The following SMIM13 variants were observed in gnomAD, a reference collection of about 807,000 sequenced individuals.
SMIM13 encodes small integral membrane protein 13, also known as UPF0766 protein C6orf228.
A neutral mutation model predicts 5.9 loss-of-function variants in SMIM13; 3 were observed. The ratio of observed to expected loss-of-function variants is 0.51; its 90% confidence interval spans 0.23 to 1.31. SMIM13 has a LOEUF of 1.31. Ranked by LOEUF, SMIM13 falls within the 40% of genes most tolerant of loss-of-function variation. SMIM13 has a pLI of 0.18. For missense variants in SMIM13, 85 were observed against 109.9 expected (o/e 0.77, Z 1.01); for synonymous variants, 55 against 46.0 (o/e 1.19, Z -0.79).
chr6:11,110,677 C>T (rs142706463), intron 1 of SMIM13, among the ~76,000 whole-genome samples: 8 of 152,204 alleles, frequency 5.3e-5, no homozygotes, highest in East Asian at 3.9e-4. Context: ...CAGGAGAAAG[C>T]GGGAGGAAGC....
chr6:11,108,335 T>G (rs929313233), intron 1 of SMIM13, among the ~76,000 whole-genome samples: 4 of 152,236 alleles, frequency 2.6e-5, no homozygotes, highest in African/African-American at 9.6e-5. Context: ...CCCTTGGCTC[T>G]GTCCCTTCAA....
chr6:11,112,862 C>T (rs1758188571), intron 1 of SMIM13, among the ~76,000 whole-genome samples: 1 of 152,078 alleles, frequency 6.6e-6, no homozygotes, highest in South Asian at 2.1e-4. Context: ...AGCTGGAGTG[C>T]AGTGGTATGA....
intron 1 of SMIM13, among the ~76,000 whole-genome samples, chr6:11,124,828 T>C (rs1758355838): frequency 6.6e-6 from 1 of 152,236 alleles, no homozygotes; most frequent in African/African-American, 2.4e-5. Flanking sequence ...TGTCCTTTTC[T>C]TTCAGGTTGA....
Position 11,134,646 on chromosome 6 carries a change from CT to C in SMIM13, c.*48del. 1 of 1,333,538 alleles carries C rather than the reference CT, an allele frequency of 7.5e-7. No homozygotes were observed. Among genetic ancestry groups the C allele is most frequent in the Non-Finnish European group, 9.8e-7 (1 of 1,015,902 alleles). 82.6% of individuals were successfully genotyped at this position (1,333,538 alleles called of 1,614,324 possible). On this transcript the variant is annotated 3_prime_UTR_variant, in exon 2 of 2. Transcript: ENST00000416247. ...TGAAAAGGCAGTTGCCAGCTTCTGT[CT>C]TTTACTGACTTCGCTTTGAAATTTA...
At chr6:11,114,225 C>T (rs1325458170) in intron 1 of SMIM13, among the ~76,000 whole-genome samples, 1 of 152,112 alleles carries the variant, frequency 6.6e-6, no homozygotes, top group Non-Finnish European at 1.5e-5. Flanking sequence ...AGTGATCTAC[C>T]TGCCTCGCCC....
In SMIM13 at chr6:11,137,297, C is replaced by G. The variant is rs1041336436; in HGVS notation, c.*2695C>G. 1 of 152,070 alleles carries G rather than the reference C, an allele frequency of 6.6e-6. No individual in the cohort carries two copies. Among genetic ancestry groups the G allele is most frequent in the African/African-American group, 2.4e-5 (1 of 41,430 alleles). 9.4% of individuals were successfully genotyped at this position (152,070 alleles called of 1,614,324 possible). A position where few individuals can be genotyped will look rare whatever the true frequency, so the allele number is the denominator to read the frequency against. ...CCTTTGTTTAGAACTTTTTTCTCTT[C>G]GTGCACCTCACAACACACTTACCAT... On this transcript the variant is annotated 3_prime_UTR_variant, in exon 2 of 2. Transcript: ENST00000416247.
intron 1 of SMIM13, among the ~76,000 whole-genome samples, chr6:11,131,739 G>A (rs1041512790): frequency 6.6e-6 from 1 of 152,144 alleles, no homozygotes; most frequent in African/African-American, 2.4e-5. Flanking sequence ...GCAAAAGGAT[G>A]AATTTGGACC....
chr6:11,099,585 G>A (rs1757966449), intron 1 of SMIM13, among the ~76,000 whole-genome samples: 1 of 152,224 alleles, frequency 6.6e-6, no homozygotes, highest in South Asian at 2.1e-4. Flanking sequence ...CTACAGAAGT[G>A]TCTGGCACAT....
intron 1 of SMIM13, chr6:11,104,181 G>C (rs1219467691): frequency 6.4e-7 from 1 of 1,551,728 alleles, no homozygotes; most frequent in African/African-American, 1.4e-5. Context: ...GGTGAGGGAA[G>C]CTTTTGTGAT....
chr6:11,109,719 C>G (rs577949579), intron 1 of SMIM13, among the ~76,000 whole-genome samples: 5 of 152,128 alleles, frequency 3.3e-5, no homozygotes, highest in Non-Finnish European at 7.3e-5. Context: ...TTATTCAACC[C>G]AGGCTGTATT....
chr6:11,106,301 G>C (rs1217657463), intron 1 of SMIM13, among the ~76,000 whole-genome samples: 8 of 152,212 alleles, frequency 5.3e-5, no homozygotes. Context: ...TATGCAGGGA[G>C]CTGAGTGAAG....
chr6:11,101,032 C>CTTTTTTTTTTTTTT (rs200622017), intron 1 of SMIM13, among the ~76,000 whole-genome samples: 4 of 127,504 alleles, frequency 3.1e-5, no homozygotes, highest in Admixed American at 7.8e-5. Context: ...TCTCCATTTT[C>CTTTTTTTTTTTTTT]TTTTTTTTTT....
intron 1 of SMIM13, chr6:11,104,230 G>A (rs1378018609): frequency 5.2e-6 from 8 of 1,551,570 alleles, no homozygotes; most frequent in Non-Finnish European, 7.0e-6. Flanking sequence ...AGAATGCCGA[G>A]TCCCGCGAGA....
At chr6:11,101,775 T>C (rs1293043888) in intron 1 of SMIM13, among the ~76,000 whole-genome samples, 1 of 151,150 alleles carries the variant, frequency 6.6e-6, no homozygotes, top group Non-Finnish European at 1.5e-5. Context: ...GAGTCTCATC[T>C]GTCGCCCAGA....
chr6:11,114,357 G>A (rs1758208932), intron 1 of SMIM13, among the ~76,000 whole-genome samples: 1 of 152,152 alleles, frequency 6.6e-6, no homozygotes, highest in African/African-American at 2.4e-5. Flanking sequence ...TTGCAAGAAA[G>A]GAGTGAGAGC....
chr6:11,135,609 G>C lies in SMIM13; in HGVS notation c.*1007G>C, dbSNP rs1758508514. The C allele has an allele frequency of 6.6e-6, 1 of 152,596 alleles. No homozygotes were observed. Among genetic ancestry groups the C allele is most frequent in the Admixed American group, 6.5e-5 (1 of 15,276 alleles). 9.5% of individuals were successfully genotyped at this position (152,596 alleles called of 1,614,324 possible). The stretch of plus-strand genomic sequence containing the variant: ...TAACCAGTACTCTTGACAACACCGG[G>C]AGAGACGTTCTGTGGAAAAATGCAG... On this transcript the variant is annotated 3_prime_UTR_variant, in exon 2 of 2. Transcript: ENST00000416247.
intron 1 of SMIM13, among the ~76,000 whole-genome samples, chr6:11,124,271 CTTATT>C (rs1334904347): frequency 1.3e-5 from 2 of 152,198 alleles, no homozygotes; most frequent in African/African-American, 2.4e-5. Flanking sequence ...CTGTGCTTGG[CTTATT>C]TTATTTAACA....
Position 11,107,673 on chromosome 6 carries a change from G to C in SMIM13, c.76+13284G>C, listed in dbSNP as rs76673884. Reference sequence around the variant, plus strand: ...AACCACTGAGCATCTGGAGGTTGGGGAAGAATTACATATGAGTTGGGGATC... The same window carrying C: ...AACCACTGAGCATCTGGAGGTTGGGCAAGAATTACATATGAGTTGGGGATC... On this transcript the variant is annotated intron_variant, in intron 1 of 1. Transcript: ENST00000416247. 5.2e-3 allele frequency among the ~76,000 whole-genome samples: 788 copies of C among 152,316 alleles called. 8 individuals are homozygous for C. The highest frequency in any genetic ancestry group is 0.018 in the African/African-American group (752 of 41,552).
At chr6:11,132,221 A>G (rs1309495660) in intron 1 of SMIM13, among the ~76,000 whole-genome samples, 3 of 152,238 alleles carry the variant, frequency 2.0e-5, no homozygotes, top group Non-Finnish European at 1.5e-5. Context: ...GCTTCGTGAT[A>G]TACCATCATG....
Sources: gnomAD v4.1 joint callset for allele counts (sites outside exome capture counted in the v4.1 genomes callset) on GRCh38, gnomAD v4.1.1 for gene constraint, MANE v1.5 for transcripts, NCBI Gene and HGNC (gene_info 2026-07-23, HGNC 2026-07-21) for gene names.